The following CRTAP variants were observed in gnomAD, a reference collection of about 807,000 sequenced individuals.
The protein encoded by CRTAP is cartilage associated protein, also known as cartilage-associated protein.
A neutral mutation model predicts 42.7 loss-of-function variants in CRTAP; 33 were observed. The ratio of observed to expected loss-of-function variants is 0.77; its 90% CI spans 0.59 to 1.03. The LOEUF is 1.03. Among genes scored for constraint, CRTAP ranks in the 50% least tolerant of loss-of-function variants. CRTAP has a pLI of 0.00. For synonymous variants in CRTAP, 243 were observed against 217.7 expected, an observed-to-expected ratio of 1.12 and a Z score of -1.02; for missense variants, 613 against 533.9, an observed-to-expected ratio of 1.15 and a Z score of -1.46.
Position 33,114,248 on chromosome 3 carries a change from C to G in CRTAP, c.171C>G (p.Gly57=), listed in dbSNP as rs969890257. Residue 57 remains glycine (G), a synonymous_variant, in exon 1 of 7, where the codon GGC becomes GGG. Transcript: ENST00000320954. The stretch of plus-strand genomic sequence containing the variant: ...GGCACGCGCTGGACAAGTACAGCGG[C>G]GAGCACTGGGCCGAGAGCGTGGGCT... ...AYRHALDKYS[G]EHWAESVGYL... is the part of the protein sequence containing the mutation. 2 of 1,588,670 alleles carry G rather than the reference C, an allele frequency of 1.3e-6. No individual in the cohort carries two copies. Among genetic ancestry groups the G allele is most frequent in the Non-Finnish European group, 1.7e-6 (2 of 1,173,760 alleles).
rs1263046148 is a variant in CRTAP, at chr3:33,146,911, ACTT to A, written c.*4464_*4466del. ...TTCAGTTAAAAAAAAAAAAATCAAT[ACTT>A]AAACTGTAGGGAAAAGGTGGATTGG... On this transcript the variant is annotated 3_prime_UTR_variant, in exon 7 of 7. Transcript: ENST00000320954. 2 of 152,530 alleles carry A rather than the reference ACTT, an allele frequency of 1.3e-5. No individual in the cohort carries two copies. The highest frequency in any genetic ancestry group is 4.8e-5 in the African/African-American group (2 of 41,390). The allele number at this position is 152,530 out of a possible 1,614,324, so 9.4% of individuals were successfully genotyped here. A position where few individuals can be genotyped will look rare whatever the true frequency, so the allele number is the denominator to read the frequency against.
chr3:33,124,323 G>T, intron 2 of CRTAP, 85 bp from the exon 3 acceptor site: 14 of 1,520,280 alleles, frequency 9.2e-6, no homozygotes, highest in Non-Finnish European at 1.2e-5. Context: ...CTAGCTTGGT[G>T]GTGGTCTTGG....
chr3:33,114,588 C>T, intron 1 of CRTAP, 40 bp downstream of exon 1: 1 of 1,538,768 alleles, frequency 6.5e-7, no homozygotes, highest in Non-Finnish European at 8.8e-7. Context: ...CGGCCCCGCC[C>T]CTGACCCAGC....
In CRTAP at chr3:33,119,299, A is replaced by G. The variant is rs376964051; in HGVS notation, c.472-1045A>G. 1.4e-4 allele frequency among the ~76,000 whole-genome samples: 21 copies of G among 152,314 alleles called. No individual in the cohort carries two copies. The East Asian group carries it at 3.1e-3, about 22-fold the overall frequency. ...CTGAGGACTGTGTGAGGCACCAGGA[A>G]TCCAGATAATGAATGACACACAGCT... is the stretch of plus-strand genomic sequence containing the variant. On this transcript the variant is annotated intron_variant, in intron 1 of 6. Transcript: ENST00000320954.
intron 5 of CRTAP, 36 bp downstream of exon 5, chr3:33,132,736 C>A (rs765931039): frequency 1.9e-6 from 3 of 1,611,586 alleles, no homozygotes; most frequent in Non-Finnish European, 2.5e-6. Flanking sequence ...CTTTTCTCTT[C>A]ATTCTTGCCT....
chr3:33,137,284 C>T (rs541968636), intron 6 of CRTAP, among the ~76,000 whole-genome samples: 6 of 152,222 alleles, frequency 3.9e-5, no homozygotes, highest in Admixed American at 6.5e-5. Flanking sequence ...GGATTACAGG[C>T]GCGCACCACC....
At position 33,145,990 on chromosome 3, in the gene CRTAP, G is replaced by C. The variant is rs898350204; in HGVS notation, c.*3542G>C. 5 of 151,620 alleles carry C rather than the reference G, an allele frequency of 3.3e-5. No individual in the cohort carries two copies. Among genetic ancestry groups the C allele is most frequent in the African/African-American group, 1.2e-4 (5 of 41,206 alleles). The allele number at this position is 151,620 out of a possible 1,614,324, so 9.4% of individuals were successfully genotyped here. A position where few individuals can be genotyped will look rare whatever the true frequency, so the allele number is the denominator to read the frequency against. On this transcript the variant is annotated 3_prime_UTR_variant, in exon 7 of 7. Transcript: ENST00000320954. The surrounding 1 kb of genome is among the most constrained non-coding windows in gnomAD (Gnocchi z 4.3). The stretch of plus-strand genomic sequence containing the variant: ...TGCTTTGATTGAAGGCTGTAGAGCT[G>C]AGTTACCAAAATTTCTATTTCAAAG...
chr3:33,130,452 C>T (rs2030220294), intron 4 of CRTAP, among the ~76,000 whole-genome samples: 1 of 151,920 alleles, frequency 6.6e-6, no homozygotes, highest in Admixed American at 6.6e-5. Flanking sequence ...TTCCCTTCCT[C>T]CTTATCACTA....
In CRTAP at chr3:33,145,279, G is replaced by A. The variant is rs2030690764; in HGVS notation, c.*2831G>A. On this transcript the variant is annotated 3_prime_UTR_variant, in exon 7 of 7. Coordinates refer to ENST00000320954, the MANE Select transcript of CRTAP (RefSeq NM_006371.5). The surrounding 1 kb of genome is among the most constrained non-coding windows in gnomAD (Gnocchi z 4.3). ...CCCAGGACAGTCCCCTACCACTTCT[G>A]TCTTGGGCTGAAGTTGCCCACGTCC... 2 of 152,466 alleles carry A rather than the reference G, an allele frequency of 1.3e-5. No individual in the cohort carries two copies. Among genetic ancestry groups the A allele is most frequent in the South Asian group, 2.1e-4 (1 of 4,832 alleles). The allele number at this position is 152,466 out of a possible 1,614,324, so 9.4% of individuals were successfully genotyped here.
Position 33,130,057 on chromosome 3 carries a change from C to G in CRTAP, c.912C>G (p.Ala304=). The part of the protein sequence containing the change: ...VATMYHYLQF[A]YYKLNDLKNA... ...CCATGTATCATTACTTGCAGTTTGCCTATTATAAGTGTAAGTAATCTTCTG... is the reference window on the plus strand; with the variant it reads ...CCATGTATCATTACTTGCAGTTTGCGTATTATAAGTGTAAGTAATCTTCTG... Residue 304 remains alanine, a synonymous_variant, in exon 4 of 7, where the codon GCC becomes GCG. Transcript: ENST00000320954. 1 of 1,613,648 alleles carries G rather than the reference C, an allele frequency of 6.2e-7. No individual in the cohort carries two copies. Among genetic ancestry groups the G allele is most frequent in the South Asian group, 1.1e-5 (1 of 91,066 alleles).
intron 6 of CRTAP, among the ~76,000 whole-genome samples, chr3:33,140,932 C>G (rs542262829): frequency 2.6e-5 from 4 of 152,316 alleles, no homozygotes; most frequent in African/African-American, 9.6e-5. Flanking sequence ...TTGTAGTCCC[C>G]CTTATCAGTC....
At chr3:33,141,206 C>G (rs1300301965) in intron 6 of CRTAP, among the ~76,000 whole-genome samples, 2 of 152,154 alleles carry the variant, frequency 1.3e-5, no homozygotes, top group African/African-American at 4.8e-5. Flanking sequence ...GCACTTATTA[C>G]TAGTGAGCTA....
Position 33,114,340 on chromosome 3 carries a change from G to T in CRTAP, c.263G>T (p.Cys88Phe). The change falls in exon 1 of 7, where the codon TGC becomes TTC. Residue 88 changes from cysteine to phenylalanine, a missense_variant. Physicochemically the swap from Cys to Phe is radical, Grantham distance 205 (BLOSUM62 -2). Coordinates refer to ENST00000320954, the MANE Select transcript of CRTAP (RefSeq NM_006371.5). Reference protein sequence around the residue: ...RDSEAFCHRNCSAAPQPEPAA... With the variant: ...RDSEAFCHRNFSAAPQPEPAA... ...AGCGAGGCCTTCTGCCACCGCAACT[G>T]CAGCGCCGCGCCGCAGCCCGAGCCC... 6.5e-7 allele frequency: 1 copy of T among 1,528,802 alleles called. No individual in the cohort carries two copies. Among genetic ancestry groups the T allele is most frequent in the Non-Finnish European group, 8.7e-7 (1 of 1,144,754 alleles). The allele number at this position is 1,528,802 out of a possible 1,614,324, so 94.7% of individuals were successfully genotyped here.
intron 3 of CRTAP, among the ~76,000 whole-genome samples, 159 bp from the exon 4 acceptor site, chr3:33,129,780 G>T (rs933409335): frequency 6.6e-6 from 1 of 151,800 alleles, no homozygotes; most frequent in South Asian, 2.1e-4. Flanking sequence ...CTTGTGATTC[G>T]CCCGCCTCAG....
intron 4 of CRTAP, among the ~76,000 whole-genome samples, chr3:33,131,117 C>G (rs75444404): frequency 1.3e-5 from 2 of 152,116 alleles, no homozygotes; most frequent in African/African-American, 4.8e-5. Context: ...CAGGGTCTAG[C>G]GGTGGCAGGT....
Position 33,124,457 on chromosome 3 carries a change from C to T in CRTAP, c.671C>T (p.Thr224Ile). 1 of 1,614,226 alleles carries T rather than the reference C, an allele frequency of 6.2e-7. No individual in the cohort carries two copies. ...GCATACAACGGTGAGAACTGGAGAA[C>T]ATCCATCACAGACATGGAGCTGGCC... ...VRAYNGENWR[T>I]SITDMELALP... Residue 224 changes from threonine (T) to isoleucine (I), a missense_variant, in exon 3 of 7, where the codon ACA becomes ATA. By Grantham distance (89) the Thr-to-Ile change is moderately conservative. Coordinates refer to ENST00000320954, the MANE Select transcript of CRTAP (RefSeq NM_006371.5).
In CRTAP at chr3:33,129,041, G is replaced by A. The variant is rs115630033; in HGVS notation, c.794-898G>A. ...GTAGATTCTGTTATTTTTATATACTGTAATTTATTAATCCTCATCCTATTG... is the reference window on the plus strand; with the variant it reads ...GTAGATTCTGTTATTTTTATATACTATAATTTATTAATCCTCATCCTATTG... On this transcript the variant is annotated intron_variant, in intron 3 of 6. Transcript: ENST00000320954. Among the ~76,000 whole-genome samples, 1,057 of 151,482 alleles carry A rather than the reference G, an allele frequency of 7.0e-3. 12 individuals carry two copies. The highest frequency in any genetic ancestry group is 0.018 in the South Asian group (88 of 4,774).
At chr3:33,114,806 C>T (rs1487870439) in intron 1 of CRTAP, among the ~76,000 whole-genome samples, 2 of 152,252 alleles carry the variant, frequency 1.3e-5, no homozygotes, top group Admixed American at 6.5e-5. Context: ...AGGCACCCAA[C>T]AAAGTGCCTG....
At chr3:33,132,729 T>C in intron 5 of CRTAP, 29 bp downstream of exon 5, 1 of 1,612,178 alleles carries the variant, frequency 6.2e-7, no homozygotes, top group South Asian at 1.1e-5. Flanking sequence ...ACCTTCCCTT[T>C]TCTCTTCATT....
Sources: allele counts gnomAD v4.1 joint callset (sites outside exome capture counted in the v4.1 genomes callset), GRCh38; gene constraint gnomAD v4.1.1; non-coding constraint Gnocchi (gnomAD v3.1); transcripts MANE v1.5; gene names NCBI Gene and HGNC (gene_info 2026-07-23, HGNC 2026-07-21).